Variants in RAB3D observed in about 807,000 individuals in gnomAD.
RAB3D encodes the protein ras-related protein Rab-3D.
In RAB3D, 17 loss-of-function variants were observed where a neutral mutation model predicts 19.3. That is an observed-to-expected ratio of 0.88 (90% CI 0.60 to 1.32). The LOEUF is 1.32. Among genes scored for constraint, RAB3D ranks in the 40% most tolerant of loss-of-function variants. RAB3D has a pLI of 0.00. For missense variants in RAB3D, 223 were observed against 299.1 expected (o/e 0.75, Z 1.88); for synonymous variants, 103 against 119.9 (o/e 0.86, Z 0.92).
intron 1 of RAB3D, 43 bp from the exon 2 acceptor site, chr19:11,337,503 C>T: frequency 2.2e-6 from 2 of 894,874 alleles, no homozygotes; most frequent in South Asian, 2.9e-5. Flanking sequence ...TGTGAATGCA[C>T]CAGGCCTGGA....
At chr19:11,335,368 G>A in intron 4 of RAB3D, 79 bp downstream of exon 4, 1 of 1,576,656 alleles carries the variant, frequency 6.3e-7, no homozygotes, top group Non-Finnish European at 8.6e-7. Flanking sequence ...CAGTGACTGG[G>A]TTGGACCCTG....
chr19:11,329,166 C>A (rs1455262866), intron 4 of RAB3D, among the ~76,000 whole-genome samples: 2 of 152,004 alleles, frequency 1.3e-5, no homozygotes, highest in African/African-American at 4.8e-5. Flanking sequence ...TGATCCTCTG[C>A]CTTGACCTCC....
At chr19:11,331,151 G>C (rs1435332638) in intron 4 of RAB3D, among the ~76,000 whole-genome samples, 1 of 151,896 alleles carries the variant, frequency 6.6e-6, no homozygotes, top group Non-Finnish European at 1.5e-5. Flanking sequence ...AATTAGCCAG[G>C]CCCCGTGGTG....
rs750307855 is a variant in RAB3D, at chr19:11,335,820, C to G, written c.229-37G>C. 124 of 1,576,106 alleles carry G rather than the reference C, an allele frequency of 7.9e-5. No individual in the cohort carries two copies. The South Asian group carries it at 1.3e-3, about 17-fold the overall frequency. ...GCAGTGGCAGTTGGCTGGGAACTAC[C>G]TGTTTCCCAGTCCACCCCTGTCTTA... On this transcript the variant is annotated intron_variant, in intron 2 of 4. Coordinates refer to ENST00000222120, the MANE Select transcript of RAB3D (RefSeq NM_004283.4).
chr19:11,328,266 G>A (rs1376213862), intron 4 of RAB3D, among the ~76,000 whole-genome samples: 1 of 148,932 alleles, frequency 6.7e-6, no homozygotes, highest in African/African-American at 2.6e-5. Flanking sequence ...CCTGGGAGGC[G>A]GAGGTTGCAG....
chr19:11,333,064 T>A, intron 4 of RAB3D, among the ~76,000 whole-genome samples: 1 of 151,314 alleles, frequency 6.6e-6, no homozygotes, highest in Non-Finnish European at 1.5e-5. Context: ...GCTCTGGGGC[T>A]GATGGAGAAA....
At chr19:11,336,794 C>A (rs185412688) in intron 2 of RAB3D, among the ~76,000 whole-genome samples, 2 of 151,732 alleles carry the variant, frequency 1.3e-5, no homozygotes, top group Non-Finnish European at 2.9e-5. Context: ...CATGGTGAAA[C>A]CCCATCTCTA....
In RAB3D at chr19:11,327,185, G is replaced by A. The variant is rs143267354; in HGVS notation, c.473-1600C>T. On this transcript the variant is annotated intron_variant, in intron 4 of 4. Coordinates refer to ENST00000222120, the MANE Select transcript of RAB3D (RefSeq NM_004283.4). The stretch of plus-strand genomic sequence containing the variant: ...CAGGCAGGCAGGATTTCCGCCCATG[G>A]CTGTACCCAGTGCCCGACACAGAGA... Among the ~76,000 whole-genome samples the A allele has an allele frequency of 3.3e-3, 504 of 152,326 alleles. 6 individuals carry two copies. The highest frequency in any genetic ancestry group is 0.012 in the African/African-American group (491 of 41,564).
intron 4 of RAB3D, among the ~76,000 whole-genome samples, chr19:11,334,609 C>T (rs1054024048): frequency 4.0e-5 from 6 of 151,212 alleles, no homozygotes; most frequent in Admixed American, 6.6e-5. Flanking sequence ...GGAAACATAG[C>T]GAGACCCTAT....
chr19:11,332,228 C>T (rs2080837908), intron 4 of RAB3D, among the ~76,000 whole-genome samples: 1 of 152,138 alleles, frequency 6.6e-6, no homozygotes, highest in South Asian at 2.1e-4. Flanking sequence ...GATGAGGTTT[C>T]ACCATGTTGG....
rs779863422 is a variant in RAB3D, at chr19:11,325,492, T to TCG, written c.564_565dup (p.Glu189AlafsTer54). On this transcript the variant is annotated frameshift_variant, in exon 5 of 5. Transcript: ENST00000222120. LOFTEE classifies it high-confidence loss of function. ...TGAGCTGGAGCTGGGTTCCAGGGAC[T>TCG]CGTTCATCTTCTCGCAGATGACATC... 3 of 1,613,414 alleles carry TCG rather than the reference T, an allele frequency of 1.9e-6. No homozygotes were observed. The highest frequency in any genetic ancestry group is 2.5e-6 in the Non-Finnish European group (3 of 1,180,016).
intron 2 of RAB3D, among the ~76,000 whole-genome samples, chr19:11,336,970 G>C (rs962697669): frequency 1.5e-5 from 2 of 136,702 alleles, no homozygotes; most frequent in Non-Finnish European, 3.1e-5. Context: ...ACTCTGTCTC[G>C]AGAGAAAAAA....
chr19:11,333,332 G>T (rs376656709), intron 4 of RAB3D, among the ~76,000 whole-genome samples: 16 of 151,934 alleles, frequency 1.1e-4, no homozygotes, highest in Admixed American at 4.6e-4. Flanking sequence ...CGCCCTCTTC[G>T]GCCTCCCAAA....
chr19:11,335,399 G>A, intron 4 of RAB3D, 48 bp downstream of exon 4: 1 of 1,608,508 alleles, frequency 6.2e-7, no homozygotes, highest in East Asian at 2.2e-5. Context: ...TGGGGATGAG[G>A]GTTTGGTTCT....
intron 4 of RAB3D, among the ~76,000 whole-genome samples, chr19:11,332,107 C>T (rs2080837478): frequency 6.6e-6 from 1 of 152,206 alleles, no homozygotes; most frequent in Admixed American, 6.5e-5. Flanking sequence ...GATCTCAGCT[C>T]ACACAACCTC....
chr19:11,337,138 C>G, intron 2 of RAB3D, 34 bp downstream of exon 2: 1 of 1,585,592 alleles, frequency 6.3e-7, no homozygotes, highest in Non-Finnish European at 8.7e-7. Context: ...TGGAGGGACC[C>G]CACCCCCAAC....
chr19:11,332,421 T>C (rs2080838552), intron 4 of RAB3D, among the ~76,000 whole-genome samples: 1 of 151,786 alleles, frequency 6.6e-6, no homozygotes, highest in Non-Finnish European at 1.5e-5. Context: ...CTTGGCTCAA[T>C]GCAACCTCTG....
rs2080791334 is a variant in RAB3D, at chr19:11,323,213, T to G, written c.*2185A>C. The G allele has an allele frequency of 6.6e-6, 1 of 152,134 alleles. No homozygotes were observed. Among genetic ancestry groups the G allele is most frequent in the Admixed American group, 6.5e-5 (1 of 15,274 alleles). 9.4% of individuals were successfully genotyped at this position (152,134 alleles called of 1,614,324 possible). ...CTTTAGTGTTAAAGTAGCTAAAAAT[T>G]TTTGACTCCCGCCCACATATTCAGA... On this transcript the variant is annotated 3_prime_UTR_variant, in exon 5 of 5. Transcript: ENST00000222120.
In RAB3D at chr19:11,325,352, C is replaced by CT. The variant is rs2080805618; in HGVS notation, c.*45_*46insA. On this transcript the variant is annotated 3_prime_UTR_variant, in exon 5 of 5. Transcript: ENST00000222120. Reference sequence around the variant, plus strand: ...CTGTGGCTCACGCCTCGATCACAGTCCCTGCCGAGGCAGGAGAGGGGTGGG... The same window carrying CT: ...CTGTGGCTCACGCCTCGATCACAGTCTCCTGCCGAGGCAGGAGAGGGGTGGG... 8.2e-7 allele frequency: 1 copy of CT among 1,224,244 alleles called. No homozygotes were observed. Among genetic ancestry groups the CT allele is most frequent in the African/African-American group, 1.7e-5 (1 of 58,438 alleles). 75.8% of individuals were successfully genotyped at this position (1,224,244 alleles called of 1,614,324 possible).
Sources: allele counts gnomAD v4.1 joint callset (sites outside exome capture counted in the v4.1 genomes callset), GRCh38; gene constraint gnomAD v4.1.1; transcripts MANE v1.5; gene names NCBI Gene and HGNC (gene_info 2026-07-23, HGNC 2026-07-21).